EXOC4: variants seen among roughly 807,000 people sequenced by gnomAD.
EXOC4 encodes the protein SEC8-like 1.
EXOC4 carries 71 observed loss-of-function variants against 107.2 expected under a neutral mutation model. The observed-to-expected ratio is 0.66, with a 90% CI of 0.55 to 0.81. The LOEUF (loss-of-function observed/expected upper bound fraction) is 0.81, where lower values mean the gene tolerates loss of function less well. EXOC4 is among the 30% of genes least tolerant of loss of function. The pLI is 0.00. For missense variants in EXOC4, 1,108 were observed against 1,189.6 expected, an observed-to-expected ratio of 0.93 and a Z score of 1.01; for synonymous variants, 456 against 441.2, an observed-to-expected ratio of 1.03 and a Z score of -0.42.
chr7:133,854,408 G>GCA (rs56849407), intron 11 of EXOC4, among the ~76,000 whole-genome samples: 26,271 of 139,290 alleles, frequency 0.19, 2,525 homozygotes, highest in Admixed American at 0.26. Context: ...TGTTGAAAGA[G>GCA]CACACACACA....
At chr7:133,870,283 A>T (rs936108614) in intron 11 of EXOC4, among the ~76,000 whole-genome samples, 2 of 152,206 alleles carry the variant, frequency 1.3e-5, no homozygotes, top group African/African-American at 4.8e-5. Flanking sequence ...AAAAATTTTT[A>T]AAATAGTTAC....
intron 10 of EXOC4, among the ~76,000 whole-genome samples, chr7:133,787,372 TGTGTGTGTGTGTGTGTGA>T (rs750326199): frequency 0.23 from 8,032 of 34,778 alleles, 495 homozygotes; most frequent in African/African-American, 0.48. Context: ...TGTGTGTGTG[TGTGTGTGTGTGTGTGTGA>T]GATGAGGTCT....
At position 133,289,013 on chromosome 7, in the gene EXOC4, A is replaced by C; in HGVS notation, c.368A>C (p.His123Pro). ...TGGATTGAAGGAATTGAGCATAAGC[A>C]TGTCCTGAACTTGTTGGATGAAATT... ...KLWIEGIEHK[H>P]VLNLLDEIEN... The change falls in exon 3 of 18, where the codon CAT becomes CCT. Residue 123 changes from histidine to proline, a missense_variant. Physicochemically the swap from His to Pro is moderately conservative, Grantham distance 77 (BLOSUM62 -2). Transcript: ENST00000253861. 6.2e-7 allele frequency: 1 copy of C among 1,614,234 alleles called. No individual in the cohort carries two copies. Among genetic ancestry groups the C allele is most frequent in the South Asian group, 1.1e-5 (1 of 91,090 alleles).
chr7:133,580,846 T>C (rs1044822569), intron 9 of EXOC4, among the ~76,000 whole-genome samples: 4 of 152,348 alleles, frequency 2.6e-5, no homozygotes, highest in South Asian at 4.1e-4. Flanking sequence ...ACTATCCATA[T>C]GTTTTTCAAC....
chr7:133,348,522 T>C (rs1157037367), intron 5 of EXOC4, among the ~76,000 whole-genome samples: 19 of 152,240 alleles, frequency 1.2e-4, no homozygotes, highest in Admixed American at 9.2e-4. Context: ...GGGGGCACTT[T>C]GTATGTGTCA....
chr7:133,397,134 C>CTTTTCT (rs1554446372), intron 7 of EXOC4, among the ~76,000 whole-genome samples: 3,210 of 146,356 alleles, frequency 0.022, 133 homozygotes, highest in African/African-American at 0.074. Flanking sequence ...GTTTTCTTTT[C>CTTTTCT]TTTTTTTTTT....
intron 14 of EXOC4, among the ~76,000 whole-genome samples, chr7:133,948,942 T>C (rs1800621766): frequency 6.6e-6 from 1 of 152,214 alleles, no homozygotes; most frequent in African/African-American, 2.4e-5. Flanking sequence ...GTGCCTTTGT[T>C]TCCCCACGGA....
chr7:133,773,368 A>G (rs1260506414), intron 10 of EXOC4, among the ~76,000 whole-genome samples: 1 of 151,906 alleles, frequency 6.6e-6, no homozygotes, highest in Non-Finnish European at 1.5e-5. Flanking sequence ...TCGCTCCCTG[A>G]CCCACTTAAT....
chr7:133,382,323 T>C (rs890789844), intron 7 of EXOC4, among the ~76,000 whole-genome samples: 2 of 152,184 alleles, frequency 1.3e-5, no homozygotes, highest in Non-Finnish European at 2.9e-5. Flanking sequence ...CAGCCTAGTT[T>C]CCAGTATGAC....
chr7:134,068,400 G>A (rs1056040804), downstream of EXOC4, among the ~76,000 whole-genome samples: 14 of 152,122 alleles, frequency 9.2e-5, no homozygotes, highest in Non-Finnish European at 1.6e-4. Context: ...TTTATAAAGG[G>A]CAGTTCTCCC....
intron 17 of EXOC4, among the ~76,000 whole-genome samples, chr7:134,025,238 A>G (rs1475965123): frequency 2.6e-5 from 4 of 152,198 alleles, no homozygotes; most frequent in African/African-American, 9.7e-5. Context: ...TATTATTATT[A>G]CTATTGAAGT....
chr7:133,421,312 A>G (rs539170878), intron 7 of EXOC4, among the ~76,000 whole-genome samples: 6 of 152,178 alleles, frequency 3.9e-5, no homozygotes, highest in Non-Finnish European at 8.8e-5. Flanking sequence ...GTGTCTAACC[A>G]CAGTCCTTCA....
chr7:133,408,352 A>G (rs533120814), intron 7 of EXOC4, among the ~76,000 whole-genome samples: 1 of 144,594 alleles, frequency 6.9e-6, no homozygotes, highest in Admixed American at 6.9e-5. Context: ...GGTGGGGTGG[A>G]TTGGTGATGG....
chr7:133,278,947 A>C (rs13246902), intron 2 of EXOC4, among the ~76,000 whole-genome samples: 1 of 150,716 alleles, frequency 6.6e-6, no homozygotes, highest in African/African-American at 2.4e-5. Context: ...TTAGGTATAT[A>C]TCCTAATGCT....
At chr7:133,644,494 A>G (rs961547543) in intron 10 of EXOC4, among the ~76,000 whole-genome samples, 26 of 152,230 alleles carry the variant, frequency 1.7e-4, no homozygotes, top group Non-Finnish European at 3.8e-4. Flanking sequence ...ATTAATAGCT[A>G]ACATTTAAGT....
At chr7:133,835,218 C>T (rs1169313159) in intron 11 of EXOC4, among the ~76,000 whole-genome samples, 1 of 152,048 alleles carries the variant, frequency 6.6e-6, no homozygotes, top group Non-Finnish European at 1.5e-5. Context: ...GTCATGAAGC[C>T]CAAATATCTG....
intron 17 of EXOC4, among the ~76,000 whole-genome samples, chr7:134,043,516 G>A (rs1221971665): frequency 6.6e-6 from 1 of 152,182 alleles, no homozygotes; most frequent in African/African-American, 2.4e-5. Flanking sequence ...CATTAGAAAT[G>A]TTTGTCAGTA....
At position 133,706,829 on chromosome 7, in the gene EXOC4, C is replaced by G. The variant is rs372513812; in HGVS notation, c.1514+76688C>G. Reference sequence around the variant, plus strand: ...GGGAAGAGTACCTGTCTCTCTTCTTCTTTGCTTAAGGGCACTAATCCCATC... The same window carrying G: ...GGGAAGAGTACCTGTCTCTCTTCTTGTTTGCTTAAGGGCACTAATCCCATC... On this transcript the variant is annotated intron_variant, in intron 10 of 17. Coordinates refer to ENST00000253861, the MANE Select transcript of EXOC4 (RefSeq NM_021807.4). 8.5e-5 allele frequency among the ~76,000 whole-genome samples: 13 copies of G among 152,198 alleles called. No homozygotes were observed. In the East Asian group the frequency reaches 1.7e-3, roughly 20 times the overall value.
intron 10 of EXOC4, among the ~76,000 whole-genome samples, chr7:133,672,515 A>G (rs1793970644): frequency 1.3e-5 from 2 of 152,134 alleles, no homozygotes; most frequent in Admixed American, 6.5e-5. Context: ...ATGGAAGACT[A>G]TGGATATAAA....
Sources: allele counts gnomAD v4.1 joint callset (sites outside exome capture counted in the v4.1 genomes callset), GRCh38; gene constraint gnomAD v4.1.1; transcripts MANE v1.5; gene names NCBI Gene and HGNC (gene_info 2026-07-23, HGNC 2026-07-21).